PXDNL: variants seen among roughly 807,000 people sequenced by gnomAD.
PXDNL encodes the protein peroxidasin like, also known as probable oxidoreductase PXDNL.
In PXDNL, 145 loss-of-function variants were observed where a neutral mutation model predicts 150.8. That is an observed-to-expected ratio of 0.96 (90% CI 0.84 to 1.10). PXDNL has a LOEUF of 1.10. Among genes scored for constraint, PXDNL ranks in the 50% least tolerant of loss-of-function variants. The probability of loss-of-function intolerance (pLI) is 0.00; values close to 1 mark genes in which losing one functional copy is unlikely to be tolerated. For synonymous variants in PXDNL, 757 were observed against 725.7 expected, an observed-to-expected ratio of 1.04 and a Z score of -0.69; for missense variants, 2,087 against 1,873.9, an observed-to-expected ratio of 1.11 and a Z score of -2.10.
At chr8:51,669,255 A>G (rs1815451409) in intron 1 of PXDNL, among the ~76,000 whole-genome samples, 1 of 152,224 alleles carries the variant, frequency 6.6e-6, no homozygotes, top group South Asian at 2.1e-4. Flanking sequence ...CAAAAAGAGA[A>G]CTAGACTTTA....
At chr8:51,407,258 A>G (rs1027880242) in intron 17 of PXDNL, among the ~76,000 whole-genome samples, 4 of 152,202 alleles carry the variant, frequency 2.6e-5, no homozygotes, top group East Asian at 1.9e-4. Context: ...GACAAATTCT[A>G]TTGACACAGA....
chr8:51,693,195 T>C (rs1469251593), intron 1 of PXDNL, among the ~76,000 whole-genome samples: 1 of 152,090 alleles, frequency 6.6e-6, no homozygotes, highest in African/African-American at 2.4e-5. Flanking sequence ...AATAAGAAAA[T>C]CTTTTCCCTT....
chr8:51,713,553 A>T (rs939645055), intron 1 of PXDNL, among the ~76,000 whole-genome samples: 1 of 152,238 alleles, frequency 6.6e-6, no homozygotes, highest in African/African-American at 2.4e-5. Flanking sequence ...CTCTCAAGTA[A>T]TCTGAAGATA....
chr8:51,564,383 T>G (rs2130568456), intron 3 of PXDNL, among the ~76,000 whole-genome samples: 1 of 151,922 alleles, frequency 6.6e-6, no homozygotes, highest in Non-Finnish European at 1.5e-5. Context: ...ACTTTTATTT[T>G]CGGTTCTGAG....
At chr8:51,737,751 G>A (rs1215520045) in intron 1 of PXDNL, among the ~76,000 whole-genome samples, 1 of 14,016 alleles carries the variant, frequency 7.1e-5, no homozygotes, top group Non-Finnish European at 4.6e-4. Context: ...AAAGTTCACT[G>A]TCAGACCCCC....
intron 10 of PXDNL, among the ~76,000 whole-genome samples, chr8:51,452,182 A>G (rs1809821990): frequency 1.3e-5 from 2 of 152,222 alleles, no homozygotes; most frequent in South Asian, 2.1e-4. Flanking sequence ...TTAGGTTTCT[A>G]AAAAACAGAC....
Position 51,408,675 on chromosome 8 carries a change from CG to C in PXDNL, c.2948del (p.Thr983ArgfsTer6). 1 of 1,600,226 alleles carries C rather than the reference CG, an allele frequency of 6.2e-7. No homozygotes were observed. Among genetic ancestry groups the C allele is most frequent in the East Asian group, 2.3e-5 (1 of 44,132 alleles). ...LWFREHNRMATELSALNPHWE... is the reference protein window; with the variant it reads ...LWFREHNRMAXELSALNPHWE... Reference sequence around the variant, plus strand: ...AGTGGGGGTTCAGGGCGGACAGCTCCGTGGCCATCCTGTTGTGTTCCCGGAA... The same window carrying C: ...AGTGGGGGTTCAGGGCGGACAGCTCCTGGCCATCCTGTTGTGTTCCCGGAA... On this transcript the variant is annotated frameshift_variant, in exon 17 of 23. Coordinates refer to ENST00000356297, the MANE Select transcript of PXDNL (RefSeq NM_144651.5). LOFTEE classifies it high-confidence loss of function.
chr8:51,421,067 A>C (rs1471432461), intron 14 of PXDNL, among the ~76,000 whole-genome samples: 1 of 152,144 alleles, frequency 6.6e-6, no homozygotes, highest in Non-Finnish European at 1.5e-5. Flanking sequence ...CTTGTGTTGG[A>C]GATTCTGAAA....
At chr8:51,561,448 G>A (rs1812719380) in intron 3 of PXDNL, among the ~76,000 whole-genome samples, 1 of 151,838 alleles carries the variant, frequency 6.6e-6, no homozygotes, top group African/African-American at 2.4e-5. Context: ...AAGGCAGGAG[G>A]ATCACTTGAG....
At chr8:51,457,992 T>C (rs770598300) in intron 8 of PXDNL, among the ~76,000 whole-genome samples, 15 of 152,192 alleles carry the variant, frequency 9.9e-5, no homozygotes, top group Non-Finnish European at 1.9e-4. Flanking sequence ...TTTTATATAT[T>C]TGAATGCCCA....
intron 20 of PXDNL, among the ~76,000 whole-genome samples, chr8:51,343,783 T>A (rs1806063140): frequency 6.6e-6 from 1 of 152,144 alleles, no homozygotes; most frequent in Non-Finnish European, 1.5e-5. Flanking sequence ...GGTACCCACT[T>A]CTGATGACAC....
At chr8:51,494,203 T>C (rs937657114) in intron 5 of PXDNL, among the ~76,000 whole-genome samples, 37 of 152,008 alleles carry the variant, frequency 2.4e-4, no homozygotes, top group Non-Finnish European at 7.4e-5. Context: ...GAAGGATAAA[T>C]AAAATACTTT....
intron 6 of PXDNL, among the ~76,000 whole-genome samples, chr8:51,477,114 C>T (rs566556212): frequency 9.2e-5 from 14 of 152,242 alleles, no homozygotes; most frequent in Non-Finnish European, 1.5e-4. Context: ...CTTCCTAAAA[C>T]AACTGTATAC....
chr8:51,782,370 A>G (rs961666517), intron 1 of PXDNL, among the ~76,000 whole-genome samples: 3 of 152,154 alleles, frequency 2.0e-5, no homozygotes, highest in Non-Finnish European at 4.4e-5. Context: ...GCCACCAAGA[A>G]AGAGAAGTGT....
intron 6 of PXDNL, among the ~76,000 whole-genome samples, chr8:51,476,148 T>C (rs1229012264): frequency 6.6e-6 from 1 of 152,190 alleles, no homozygotes; most frequent in Admixed American, 6.5e-5. Context: ...GTGTTCCAGT[T>C]TGCTTTGTTT....
intron 4 of PXDNL, among the ~76,000 whole-genome samples, chr8:51,554,058 T>C (rs564585226): frequency 8.3e-4 from 126 of 152,176 alleles, no homozygotes; most frequent in Non-Finnish European, 1.6e-3. Flanking sequence ...TAAACAAGCA[T>C]ATAAAATGTT....
At chr8:51,670,835 T>C (rs2092936365) in intron 1 of PXDNL, among the ~76,000 whole-genome samples, 1 of 152,206 alleles carries the variant, frequency 6.6e-6, no homozygotes, top group South Asian at 2.1e-4. Context: ...CTGTACTAAG[T>C]GGCACTCCTG....
At chr8:51,410,548 T>C (rs1317917288) in intron 16 of PXDNL, among the ~76,000 whole-genome samples, 2 of 152,018 alleles carry the variant, frequency 1.3e-5, no homozygotes, top group Non-Finnish European at 1.5e-5. Context: ...AGCTCACAGA[T>C]AGGCCTTCTG....
chr8:51,421,042 AAAG>A (rs1384615043), intron 14 of PXDNL, among the ~76,000 whole-genome samples: 1 of 152,182 alleles, frequency 6.6e-6, no homozygotes, highest in Non-Finnish European at 1.5e-5. Flanking sequence ...AATTTCTGTT[AAAG>A]AAGATGAAAT....
Sources: gnomAD v4.1 joint callset for allele counts (sites outside exome capture counted in the v4.1 genomes callset) on GRCh38, gnomAD v4.1.1 for gene constraint, MANE v1.5 for transcripts, NCBI Gene and HGNC (gene_info 2026-07-23, HGNC 2026-07-21) for gene names.